KBTBD12: variants seen among roughly 807,000 people sequenced by gnomAD.
KBTBD12 encodes the protein kelch repeat and BTB domain-containing protein 12.
In KBTBD12, 53 loss-of-function variants were observed where a neutral mutation model predicts 58.7. That is an observed-to-expected ratio of 0.90 (90% CI 0.72 to 1.14). KBTBD12 has a LOEUF of 1.14. KBTBD12 is among the 50% of genes most tolerant of loss of function. KBTBD12 has a pLI of 0.00. For missense variants in KBTBD12, 704 were observed against 751.3 expected, an observed-to-expected ratio of 0.94 and a Z score of 0.74; for synonymous variants, 236 against 259.8, an observed-to-expected ratio of 0.91 and a Z score of 0.88.
intron 5 of KBTBD12, among the ~76,000 whole-genome samples, chr3:127,979,692 T>C (rs1940842138): frequency 6.6e-6 from 1 of 152,240 alleles, no homozygotes; most frequent in Admixed American, 6.5e-5. Flanking sequence ...CTCATCACAG[T>C]GAGTTCTCTT....
intron 4 of KBTBD12, among the ~76,000 whole-genome samples, chr3:127,945,678 C>CTTTT (rs36060646): frequency 7.9e-6 from 1 of 127,148 alleles, no homozygotes; most frequent in Non-Finnish European, 1.7e-5. Context: ...CTTATTTTCA[C>CTTTT]TTTTTTTTTT....
intron 5 of KBTBD12, among the ~76,000 whole-genome samples, chr3:127,972,710 T>C (rs1042888863): frequency 5.3e-5 from 8 of 152,228 alleles, no homozygotes; most frequent in African/African-American, 1.9e-4. Context: ...GCAGGTACAT[T>C]GTCAAAGACT....
intron 5 of KBTBD12, among the ~76,000 whole-genome samples, chr3:127,978,808 A>C (rs1446562952): frequency 6.6e-6 from 1 of 152,170 alleles, no homozygotes; most frequent in Admixed American, 6.5e-5. Context: ...ATGCATGTTC[A>C]TGGAAAGTGT....
intron 4 of KBTBD12, among the ~76,000 whole-genome samples, chr3:127,935,337 G>A (rs535713323): frequency 6.6e-6 from 1 of 152,094 alleles, no homozygotes; most frequent in East Asian, 1.9e-4. Context: ...GAGAAAATGG[G>A]GTTATTTTGG....
intron 3 of KBTBD12, among the ~76,000 whole-genome samples, chr3:127,929,482 G>A (rs556297079): frequency 2.0e-5 from 3 of 152,140 alleles, no homozygotes; most frequent in Admixed American, 1.3e-4. Flanking sequence ...TTATGAATAG[G>A]AAAAGCCACA....
At chr3:127,937,452 G>A (rs184034243) in intron 4 of KBTBD12, among the ~76,000 whole-genome samples, 16 of 152,226 alleles carry the variant, frequency 1.1e-4, no homozygotes, top group African/African-American at 2.9e-4. Flanking sequence ...GAAAATTAGT[G>A]AGTAGAAGAA....
At position 127,915,478 on chromosome 3, in the gene KBTBD12, T is replaced by C. The variant is rs1366612124; in HGVS notation, c.-221T>C. The C allele has an allele frequency of 2.0e-5, 3 of 152,442 alleles. No individual in the cohort carries two copies. Among genetic ancestry groups the C allele is most frequent in the African/African-American group, 4.8e-5 (2 of 41,472 alleles). The allele number at this position is 152,442 out of a possible 1,614,324, so 9.4% of individuals were successfully genotyped here. On this transcript the variant is annotated 5_prime_UTR_variant, in exon 1 of 6. Coordinates refer to ENST00000405109, the MANE Select transcript of KBTBD12 (RefSeq NM_207335.4). Reference sequence around the variant, plus strand: ...ATCGCCCAGCCAGCACAGGCCCATATTGGGCAGTGGCCTCAGTCAGGCCCG... The same window carrying C: ...ATCGCCCAGCCAGCACAGGCCCATACTGGGCAGTGGCCTCAGTCAGGCCCG...
At chr3:127,963,974 C>T (rs1164528359) in intron 5 of KBTBD12, among the ~76,000 whole-genome samples, 11 of 152,118 alleles carry the variant, frequency 7.2e-5, no homozygotes, top group Admixed American at 7.2e-4. Context: ...ATACCTAATG[C>T]ATGTGTTTAT....
chr3:127,954,710 C>T lies in KBTBD12; in HGVS notation c.1493-8479C>T, dbSNP rs186267242. Among the ~76,000 whole-genome samples the T allele has an allele frequency of 2.2e-4, 33 of 152,324 alleles. No homozygotes were observed. In the East Asian group the frequency reaches 4.4e-3, roughly 21 times the overall value. On this transcript the variant is annotated intron_variant, in intron 4 of 5. Coordinates refer to ENST00000405109, the MANE Select transcript of KBTBD12 (RefSeq NM_207335.4). ...TTATGGAGGCAGTAGACCTTTCACACGTGGCCCCAGCCTGCCCCTGCAGCC... is the reference window on the plus strand; with the variant it reads ...TTATGGAGGCAGTAGACCTTTCACATGTGGCCCCAGCCTGCCCCTGCAGCC...
At chr3:127,918,045 A>G (rs1939298099) in intron 1 of KBTBD12, among the ~76,000 whole-genome samples, 2 of 152,152 alleles carry the variant, frequency 1.3e-5, no homozygotes, top group Admixed American at 1.3e-4. Flanking sequence ...CCCTGTCTCT[A>G]CAAAAAATAA....
intron 5 of KBTBD12, among the ~76,000 whole-genome samples, chr3:127,977,523 A>G (rs923344260): frequency 6.6e-6 from 1 of 152,124 alleles, no homozygotes; most frequent in Non-Finnish European, 1.5e-5. Flanking sequence ...AATAGCCATT[A>G]TGACTGGTGT....
At chr3:127,970,458 C>G (rs1940663127) in intron 5 of KBTBD12, among the ~76,000 whole-genome samples, 1 of 152,162 alleles carries the variant, frequency 6.6e-6, no homozygotes, top group African/African-American at 2.4e-5. Context: ...TATGCCCACC[C>G]TTGTACCTGA....
At chr3:127,924,247 T>C in intron 2 of KBTBD12, 116 bp downstream of exon 2, 1 of 624,672 alleles carries the variant, frequency 1.6e-6, no homozygotes, top group Non-Finnish European at 2.8e-6. Flanking sequence ...AATTACCCTA[T>C]ACATCTCCCA....
Position 127,927,882 on chromosome 3 carries a change from A to G in KBTBD12, c.1189A>G (p.Lys397Glu), listed in dbSNP as rs769713946. The change falls in exon 3 of 6, where the codon AAA (lysine) becomes GAA (glutamate). Residue 397 changes from lysine (K) to glutamate (E), a missense_variant. By Grantham distance (56) the Lys-to-Glu change is moderately conservative (BLOSUM62 1). Coordinates refer to ENST00000405109, the MANE Select transcript of KBTBD12 (RefSeq NM_207335.4). Reference protein sequence around the residue: ...LYVIGGQMKIKNQYLITNCVD... With the variant: ...LYVIGGQMKIENQYLITNCVD... Reference sequence around the variant, plus strand: ...TGTTATAGGAGGACAGATGAAAATTAAAAACCAGTATCTTATTACAAACTG... The same window carrying G: ...TGTTATAGGAGGACAGATGAAAATTGAAAACCAGTATCTTATTACAAACTG... The G allele has an allele frequency of 6.2e-7, 1 of 1,613,494 alleles. No individual in the cohort carries two copies. Among genetic ancestry groups the G allele is most frequent in the Non-Finnish European group, 8.5e-7 (1 of 1,179,530 alleles).
intron 1 of KBTBD12, 80 bp from the exon 2 acceptor site, chr3:127,922,870 T>C: frequency 2.0e-6 from 1 of 489,108 alleles, no homozygotes; most frequent in Non-Finnish European, 3.6e-6. Flanking sequence ...TTATAAATAC[T>C]TTTTTTAGAA....
chr3:127,966,906 T>C (rs768425767), intron 5 of KBTBD12, among the ~76,000 whole-genome samples: 16 of 152,240 alleles, frequency 1.1e-4, no homozygotes, highest in Non-Finnish European at 1.6e-4. Flanking sequence ...ATCAGACTTC[T>C]GAATGATGAC....
intron 2 of KBTBD12, among the ~76,000 whole-genome samples, chr3:127,925,057 T>A (rs1939531638): frequency 6.6e-6 from 1 of 152,224 alleles, no homozygotes; most frequent in Admixed American, 6.5e-5. Flanking sequence ...AAGATGGGAC[T>A]AAAGAGGGAA....
At chr3:127,921,221 G>A (rs971609560) in intron 1 of KBTBD12, among the ~76,000 whole-genome samples, 1 of 152,014 alleles carries the variant, frequency 6.6e-6, no homozygotes, top group African/African-American at 2.4e-5. Context: ...AACATAAAGA[G>A]GCTAAGGAAC....
intron 3 of KBTBD12, 191 bp downstream of exon 3, chr3:127,928,225 GT>G: frequency 1.8e-6 from 1 of 570,684 alleles, no homozygotes; most frequent in East Asian, 2.9e-5. Flanking sequence ...TTTAAAGTGT[GT>G]TTTCATAGAC....
Sources: gnomAD v4.1 joint callset for allele counts (sites outside exome capture counted in the v4.1 genomes callset) on GRCh38, gnomAD v4.1.1 for gene constraint, MANE v1.5 for transcripts, NCBI Gene and HGNC (gene_info 2026-07-23, HGNC 2026-07-21) for gene names.